EVC2: variants seen among roughly 807,000 people sequenced by gnomAD.
EVC2 encodes the protein EvC ciliary complex subunit 2, also known as limbin.
In EVC2, 148 loss-of-function variants were observed where a neutral mutation model predicts 149.3. That is an observed-to-expected ratio of 0.99 (90% CI 0.87 to 1.14). The LOEUF (loss-of-function observed/expected upper bound fraction) is 1.14, where lower values mean the gene tolerates loss of function less well. Ranked by LOEUF, EVC2 falls within the 50% of genes most tolerant of loss-of-function variation. EVC2 has a pLI of 0.00. For missense variants in EVC2, 1,854 were observed against 1,627.3 expected (o/e 1.14, Z -2.40); for synonymous variants, 776 against 649.9 (o/e 1.19, Z -2.95).
chr4:5,625,524 T>A lies in EVC2; in HGVS notation c.2046+225A>T, dbSNP rs1716043591. Among the ~76,000 whole-genome samples, 1 of 152,242 alleles carries A rather than the reference T, an allele frequency of 6.6e-6. No individual in the cohort carries two copies. Among genetic ancestry groups the A allele is most frequent in the South Asian group, 2.1e-4 (1 of 4,834 alleles). On this transcript the variant is annotated intron_variant, in intron 13 of 21. Transcript: ENST00000344408. The surrounding 1 kb of genome is among the most constrained non-coding windows in gnomAD (Gnocchi z 4.0). ...GCCCATGCAGACATTACTAGTCTATTGTGACCCTCTGCTGTGCTTGGGCTG... is the reference window on the plus strand; with the variant it reads ...GCCCATGCAGACATTACTAGTCTATAGTGACCCTCTGCTGTGCTTGGGCTG...
intron 14 of EVC2, among the ~76,000 whole-genome samples, chr4:5,620,634 T>C (rs987838501): frequency 6.6e-6 from 1 of 152,200 alleles, no homozygotes; most frequent in Non-Finnish European, 1.5e-5. Context: ...AAGCAAAGTA[T>C]ATGAGCAGAC....
At chr4:5,572,926 G>A (rs537732972) in intron 19 of EVC2, among the ~76,000 whole-genome samples, 1 of 152,274 alleles carries the variant, frequency 6.6e-6, no homozygotes, top group South Asian at 2.1e-4. Flanking sequence ...TCACCAAGCT[G>A]GGCTGAATCC....
intron 10 of EVC2, among the ~76,000 whole-genome samples, chr4:5,634,153 T>C (rs1352495151): frequency 6.6e-6 from 1 of 152,204 alleles, no homozygotes; most frequent in African/African-American, 2.4e-5. Context: ...CCCATACTAA[T>C]AGCTTGCCTT....
At chr4:5,553,432 C>G (rs1721777247) in intron 21 of EVC2, among the ~76,000 whole-genome samples, 1 of 152,068 alleles carries the variant, frequency 6.6e-6, no homozygotes, top group African/African-American at 2.4e-5. Flanking sequence ...GCACATGGAC[C>G]CAAACCATAT....
intron 21 of EVC2, among the ~76,000 whole-genome samples, chr4:5,550,528 G>A (rs917725443): frequency 1.1e-4 from 17 of 152,154 alleles, no homozygotes; most frequent in South Asian, 6.2e-4. Flanking sequence ...GGTGACTTGC[G>A]TGCTGTTAAA....
chr4:5,534,134 GAA>G, the EVC2 span, among the ~76,000 whole-genome samples: 1 of 23,220 alleles, frequency 4.3e-5, no homozygotes, highest in South Asian at 2.9e-3. Context: ...GCTCTGTGGA[GAA>G]AAGACTGGGA....
At chr4:5,656,564 G>A (rs566882617) in intron 9 of EVC2, among the ~76,000 whole-genome samples, 106 of 152,316 alleles carry the variant, frequency 7.0e-4, no homozygotes, top group African/African-American at 2.5e-3. Flanking sequence ...CCTCCTAAGA[G>A]AGAGCAGAGG....
intron 14 of EVC2, among the ~76,000 whole-genome samples, chr4:5,621,980 T>C (rs1004502281): frequency 2.6e-5 from 4 of 152,120 alleles, no homozygotes; most frequent in Middle Eastern, 3.2e-3. Flanking sequence ...TAAAGATACA[T>C]AGCCCGAGAA....
chr4:5,560,860 G>C (rs1272024068), downstream of EVC2, among the ~76,000 whole-genome samples: 3 of 152,242 alleles, frequency 2.0e-5, no homozygotes, highest in Admixed American at 1.3e-4. This position sits in a 1 kb window ranked among gnomAD's most constrained non-coding sequence, Gnocchi z 4.1. Flanking sequence ...AAAAGTTGTA[G>C]AGCCACAGTT....
At chr4:5,662,544 TTAA>T (rs1718959341) in intron 9 of EVC2, among the ~76,000 whole-genome samples, 1 of 141,236 alleles carries the variant, frequency 7.1e-6, no homozygotes, top group Non-Finnish European at 1.5e-5. Flanking sequence ...AAATATAATA[TTAA>T]TATTAAATAT....
At chr4:5,687,958 C>T (rs1720837139) in intron 5 of EVC2, among the ~76,000 whole-genome samples, 1 of 152,174 alleles carries the variant, frequency 6.6e-6, no homozygotes, top group Non-Finnish European at 1.5e-5. Context: ...CGCAGCTTCT[C>T]AGTCACAAGG....
intron 9 of EVC2, among the ~76,000 whole-genome samples, chr4:5,654,958 G>T (rs528359458): frequency 2.0e-5 from 3 of 152,172 alleles, no homozygotes. Flanking sequence ...GTATTGAGAG[G>T]CTCCCTGCTT....
chr4:5,678,340 T>C (rs1720128449), intron 7 of EVC2, among the ~76,000 whole-genome samples: 1 of 152,210 alleles, frequency 6.6e-6, no homozygotes, highest in Non-Finnish European at 1.5e-5. Context: ...TCACATGTGT[T>C]AGCACAACTC....
intron 20 of EVC2, 60 bp from the exon 21 acceptor site, chr4:5,565,419 C>A (rs534779285): frequency 2.0e-6 from 3 of 1,537,046 alleles, no homozygotes; most frequent in Non-Finnish European, 2.7e-6. Context: ...CACTGTAATC[C>A]CAGCACTTTG....
chr4:5,650,640 G>T (rs55895110), intron 9 of EVC2, among the ~76,000 whole-genome samples: 1,812 of 59,700 alleles, frequency 0.03, 8 homozygotes, highest in Admixed American at 0.049. Context: ...TATATATATA[G>T]AGAGAGAGAG....
At chr4:5,628,785 C>T (rs779592609) in intron 11 of EVC2, 51 bp from the exon 12 acceptor site, 2 of 1,525,282 alleles carry the variant, frequency 1.3e-6, no homozygotes, top group Non-Finnish European at 1.8e-6. Context: ...AAATTTAGAG[C>T]ATAATCTTTC....
At chr4:5,666,855 G>A (rs888751254) in intron 7 of EVC2, among the ~76,000 whole-genome samples, 2 of 152,114 alleles carry the variant, frequency 1.3e-5, no homozygotes, top group Non-Finnish European at 2.9e-5. Context: ...TGGAGAAGAT[G>A]CTCTTTTCTC....
intron 21 of EVC2, 71 bp downstream of exon 21, chr4:5,565,187 C>T: frequency 6.8e-7 from 1 of 1,469,384 alleles, no homozygotes; most frequent in East Asian, 2.3e-5. Flanking sequence ...CACCTCCTGC[C>T]TCCCCAGCCT....
rs753259274 is a variant in EVC2 at position 5,625,887 on chromosome 4, G to A, written c.1908C>T (p.Asp636=). The stretch of plus-strand genomic sequence containing the variant: ...CCCGCTCCAATAGCATTTCCATTTG[G>A]TCTTCATCCAGGTACCCTGCTCTAG... ...KHERAGYLDE[D]QMEMLLERAQ... is the part of the protein sequence containing the mutation. Residue 636 remains aspartate, a synonymous_variant, in exon 13 of 22, where the codon GAC becomes GAT. Coordinates refer to ENST00000344408, the MANE Select transcript of EVC2 (RefSeq NM_147127.5). This position sits in a 1 kb window ranked among gnomAD's most constrained non-coding sequence, Gnocchi z 4.0. The A allele has an allele frequency of 6.8e-6, 11 of 1,613,840 alleles. No individual in the cohort carries two copies. In the East Asian group the frequency reaches 2.0e-4, roughly 29 times the overall value.
Sources: gnomAD v4.1 joint callset for allele counts (sites outside exome capture counted in the v4.1 genomes callset) on GRCh38, gnomAD v4.1.1 for gene constraint, Gnocchi (gnomAD v3.1) non-coding constraint, MANE v1.5 for transcripts, NCBI Gene and HGNC (gene_info 2026-07-23, HGNC 2026-07-21) for gene names.